CRISP3: variants seen among roughly 807,000 people sequenced by gnomAD.
The protein encoded by CRISP3 is cysteine-rich secretory protein 3.
Under a neutral mutation model 36.1 loss-of-function variants are expected in CRISP3, and 33 were observed. The observed-to-expected ratio is 0.91, with a 90% confidence interval of 0.69 to 1.22. The LOEUF is 1.22. Ranked by LOEUF, CRISP3 falls within the 50% of genes most tolerant of loss-of-function variation. CRISP3 has a pLI of 0.00. For synonymous variants in CRISP3, 117 were observed against 104.6 expected, an observed-to-expected ratio of 1.12 and a Z score of -0.72; for missense variants, 330 against 301.2, an observed-to-expected ratio of 1.10 and a Z score of -0.71.
chr6:49,732,138 A>G (rs552449787), intron 6 of CRISP3, among the ~76,000 whole-genome samples: 2 of 152,288 alleles, frequency 1.3e-5, no homozygotes, highest in Admixed American at 6.5e-5. Context: ...ATAGATATCA[A>G]AGTGTTCTGG....
chr6:49,741,219 T>C (rs180716185), intron 1 of CRISP3, among the ~76,000 whole-genome samples: 185 of 151,360 alleles, frequency 1.2e-3, no homozygotes, highest in African/African-American at 4.4e-3. Flanking sequence ...AGGTCATGTG[T>C]GATAGCACTC....
At chr6:49,734,553 A>G (rs1561908123) in intron 4 of CRISP3, among the ~76,000 whole-genome samples, 2 of 152,176 alleles carry the variant, frequency 1.3e-5, no homozygotes. Flanking sequence ...GAATGTCTAC[A>G]TGCTACTTAA....
At position 49,736,468 on chromosome 6, in the gene CRISP3, C is replaced by T. The variant is rs1396463989; in HGVS notation, c.151G>A (p.Val51Met). 1.2e-6 allele frequency: 2 copies of T among 1,613,650 alleles called. No individual in the cohort carries two copies. The highest frequency in any genetic ancestry group is 1.7e-6 in the Non-Finnish European group (2 of 1,179,712). The stretch of plus-strand genomic sequence containing the variant: ...TGCTTATTCACAATCTCCCTTTGCA[C>T]TTGTGTTTGGGTGGTTAACAAAGCA... Reference protein sequence around the residue: ...FTALLTTQTQVQREIVNKHNE... With the variant: ...FTALLTTQTQMQREIVNKHNE... The change falls in exon 3 of 8, where the codon GTG becomes ATG. Residue 51 changes from valine (V) to methionine (M), a missense_variant. Physicochemically the swap from Val to Met is conservative, Grantham distance 21. Coordinates refer to ENST00000263045, the MANE Select transcript of CRISP3 (RefSeq NM_006061.4).
chr6:49,733,307 G>A lies in CRISP3; in HGVS notation c.463-15C>T, dbSNP rs1375046877. 5 of 1,517,048 alleles carry A rather than the reference G, an allele frequency of 3.3e-6. No homozygotes were observed. Among genetic ancestry groups the A allele is most frequent in the African/African-American group, 2.8e-5 (2 of 72,238 alleles). The allele number at this position is 1,517,048 out of a possible 1,614,324, so 94.0% of individuals were successfully genotyped here. ...TACCAAACAACCTATAAACCAATAA[G>A]TGAAGATATGAGAGCACATTAGAGA... On this transcript the variant is annotated splice_polypyrimidine_tract_variant and intron_variant, in intron 5 of 7. Coordinates refer to ENST00000263045, the MANE Select transcript of CRISP3 (RefSeq NM_006061.4).
rs564215685 is a variant in CRISP3, at chr6:49,731,802, T to C, written c.561-551A>G. On this transcript the variant is annotated intron_variant, in intron 6 of 7. Coordinates refer to ENST00000263045, the MANE Select transcript of CRISP3 (RefSeq NM_006061.4). ...GGTGATTTTCACATGGTTTTTGCTG[T>C]ATGTTTGTGAAAGGGTATTGGGCTT... Among the ~76,000 whole-genome samples, 4 of 152,264 alleles carry C rather than the reference T, an allele frequency of 2.6e-5. No homozygotes were observed. The South Asian group carries it at 8.3e-4, about 32-fold the overall frequency.
intron 4 of CRISP3, 126 bp downstream of exon 4, chr6:49,735,378 G>A (rs1030605237): frequency 1.5e-6 from 1 of 671,594 alleles, no homozygotes; most frequent in South Asian, 1.8e-5. Flanking sequence ...CATGTAGATA[G>A]TCCATATTGA....
Position 49,728,713 on chromosome 6 carries a change from C to T in CRISP3, c.*17G>A, listed in dbSNP as rs369501319. 5.0e-5 allele frequency: 81 copies of T among 1,604,668 alleles called. No individual in the cohort carries two copies. The highest frequency in any genetic ancestry group is 6.0e-5 in the Non-Finnish European group (71 of 1,175,544). The stretch of plus-strand genomic sequence containing the variant: ...TGACTCCTCTCTACATAGCCCTACT[C>T]GGTGTGTAATGCGTATTTAATAAAT... On this transcript the variant is annotated 3_prime_UTR_variant, in exon 8 of 8. Coordinates refer to ENST00000263045, the MANE Select transcript of CRISP3 (RefSeq NM_006061.4).
At chr6:49,734,740 C>T (rs372305382) in intron 4 of CRISP3, among the ~76,000 whole-genome samples, 66 of 152,112 alleles carry the variant, frequency 4.3e-4, no homozygotes, top group Middle Eastern at 3.4e-3. Context: ...AGTGGCTGTC[C>T]TATTTTCAAA....
rs965999927 is a variant in CRISP3, at chr6:49,737,379, C to T, written c.57G>A (p.Val19=). Residue 19 remains valine (V), a synonymous_variant, in exon 2 of 8, where the codon GTG becomes GTA. Coordinates refer to ENST00000263045, the MANE Select transcript of CRISP3 (RefSeq NM_006061.4). ...LETTAMTLFP[V]LLFLVAGLLP... Reference sequence around the variant, plus strand: ...GCAGCCCAGCAACCAGGAACAACAGCACTGGGAATAATGTCATTGCTGGGA... The same window carrying T: ...GCAGCCCAGCAACCAGGAACAACAGTACTGGGAATAATGTCATTGCTGGGA... 2.5e-6 allele frequency: 4 copies of T among 1,613,846 alleles called. No homozygotes were observed. Among genetic ancestry groups the T allele is most frequent in the Non-Finnish European group, 2.5e-6 (3 of 1,179,954 alleles).
intron 4 of CRISP3, among the ~76,000 whole-genome samples, chr6:49,735,127 G>C (rs1268649492): frequency 2.6e-5 from 4 of 152,000 alleles, no homozygotes; most frequent in African/African-American, 7.2e-5. Flanking sequence ...CACTAAAAAG[G>C]GTACTGATTT....
At position 49,731,264 on chromosome 6, in the gene CRISP3, A is replaced by G; in HGVS notation, c.561-13T>C. ...AGCCCAATTACCACTGAAATTTGAA[A>G]TAAAAATGTCAAATATTTTTCATTT... On this transcript the variant is annotated splice_polypyrimidine_tract_variant and intron_variant, in intron 6 of 7. Transcript: ENST00000263045. 1 of 1,546,686 alleles carries G rather than the reference A, an allele frequency of 6.5e-7. No individual in the cohort carries two copies. The highest frequency in any genetic ancestry group is 8.8e-7 in the Non-Finnish European group (1 of 1,131,114).
At chr6:49,730,192 A>G (rs76296378) in intron 7 of CRISP3, among the ~76,000 whole-genome samples, 1 of 152,136 alleles carries the variant, frequency 6.6e-6, no homozygotes, top group Non-Finnish European at 1.5e-5. Context: ...TTAAACAAAA[A>G]TATCATCTCT....
intron 1 of CRISP3, among the ~76,000 whole-genome samples, chr6:49,743,728 C>T (rs187654998): frequency 4.8e-4 from 73 of 152,082 alleles, no homozygotes; most frequent in African/African-American, 1.6e-3. Flanking sequence ...TTTAAATTAC[C>T]TACATAAACA....
At chr6:49,736,768 G>A (rs757606315) in intron 2 of CRISP3, among the ~76,000 whole-genome samples, 5 of 152,094 alleles carry the variant, frequency 3.3e-5, no homozygotes, top group Non-Finnish European at 7.4e-5. Flanking sequence ...GTTAAGAGAG[G>A]TCTTAATGTG....
intron 6 of CRISP3, among the ~76,000 whole-genome samples, chr6:49,732,528 G>GA (rs989117430): frequency 5.9e-5 from 9 of 151,418 alleles, no homozygotes; most frequent in African/African-American, 2.2e-4. Context: ...TATTGCTTGA[G>GA]AAAAAAAAGT....
At chr6:49,736,963 C>A (rs558960437) in intron 2 of CRISP3, among the ~76,000 whole-genome samples, 1 of 152,160 alleles carries the variant, frequency 6.6e-6, no homozygotes, top group South Asian at 2.1e-4. Context: ...AATGCTTAGG[C>A]TCAGCCTAAG....
intron 2 of CRISP3, 96 bp from the exon 3 acceptor site, chr6:49,736,603 A>G (rs995835247): frequency 1.1e-6 from 1 of 901,088 alleles, no homozygotes; most frequent in Non-Finnish European, 1.8e-6. Flanking sequence ...ACCATTTTTA[A>G]AAAGTGTTGC....
chr6:49,742,581 G>A (rs1395255924), intron 1 of CRISP3, among the ~76,000 whole-genome samples: 25 of 141,908 alleles, frequency 1.8e-4, no homozygotes, highest in African/African-American at 5.9e-4. Flanking sequence ...GCAGCGAGCC[G>A]AGAGTGTGCC....
intron 1 of CRISP3, 107 bp downstream of exon 1, chr6:49,744,224 G>T: frequency 1.3e-6 from 1 of 760,336 alleles, no homozygotes; most frequent in Non-Finnish European, 1.9e-6. Flanking sequence ...TTGGAAAATT[G>T]TAGATAAAAT....
Sources: allele counts gnomAD v4.1 joint callset (sites outside exome capture counted in the v4.1 genomes callset), GRCh38; gene constraint gnomAD v4.1.1; transcripts MANE v1.5; gene names NCBI Gene and HGNC (gene_info 2026-07-23, HGNC 2026-07-21).